The following CHD1L variants were observed in gnomAD, a reference collection of about 807,000 sequenced individuals.
CHD1L encodes chromodomain helicase DNA binding protein 1 like.
CHD1L carries 118 observed loss-of-function variants against 115.9 expected under a neutral mutation model. The ratio of observed to expected loss-of-function variants is 1.02; its 90% CI spans 0.88 to 1.19. The LOEUF is 1.19. Among genes scored for constraint, CHD1L ranks in the 50% most tolerant of loss-of-function variants. The probability of loss-of-function intolerance (pLI) is 0.00; values close to 1 mark genes in which losing one functional copy is unlikely to be tolerated. For synonymous variants in CHD1L, 411 were observed against 387.1 expected (o/e 1.06, Z -0.72); for missense variants, 1,179 against 1,065.3 (o/e 1.11, Z -1.49).
intron 15 of CHD1L, among the ~76,000 whole-genome samples, chr1:147,282,715 A>G (rs1681404884): frequency 2.0e-5 from 3 of 152,222 alleles, no homozygotes; most frequent in Admixed American, 2.0e-4. Context: ...TTCTGTACTG[A>G]TCTAGATAAT....
chr1:147,178,129 C>T, the CHD1L span: 1 of 1,599,736 alleles, frequency 6.3e-7, no homozygotes, highest in South Asian at 1.1e-5. Context: ...CCTCCGCCGC[C>T]CAGCGCTGTT....
chr1:147,220,532 A>G, the CHD1L span, among the ~76,000 whole-genome samples: 6 of 152,224 alleles, frequency 3.9e-5, no homozygotes. Flanking sequence ...ACTTTGTTCC[A>G]AAGAGTATAG....
intron 15 of CHD1L, among the ~76,000 whole-genome samples, chr1:147,283,134 A>C (rs1026332167): frequency 2.6e-5 from 4 of 152,232 alleles, no homozygotes; most frequent in African/African-American, 9.6e-5. Flanking sequence ...AATTGCATGC[A>C]GTATGAAGCT....
At chr1:147,205,797 T>TA in the CHD1L span, among the ~76,000 whole-genome samples, 1 of 152,010 alleles carries the variant, frequency 6.6e-6, no homozygotes, top group African/African-American at 2.4e-5. Context: ...ATGTTAGACC[T>TA]AAAACCATAA....
the CHD1L span, among the ~76,000 whole-genome samples, chr1:147,234,184 T>C: frequency 6.6e-6 from 1 of 152,210 alleles, no homozygotes; most frequent in Admixed American, 6.5e-5. Flanking sequence ...TGATTCTCTG[T>C]TGGATTACCA....
At chr1:147,290,502 G>C (rs1339741432) in intron 19 of CHD1L, among the ~76,000 whole-genome samples, 1 of 152,200 alleles carries the variant, frequency 6.6e-6, no homozygotes, top group Non-Finnish European at 1.5e-5. Flanking sequence ...TTGATGAGCA[G>C]ATGTCTTTGC....
chr1:147,259,671 A>G (rs1671260530), intron 5 of CHD1L, 166 bp from the exon 6 acceptor site: 4 of 601,138 alleles, frequency 6.7e-6, no homozygotes, highest in African/African-American at 3.7e-5. Context: ...CAGATATTGT[A>G]TTATGCACAT....
chr1:147,284,863 CACAGTGTTTGGCAGTTA>C (rs1553964358), intron 16 of CHD1L, among the ~76,000 whole-genome samples: 1 of 152,098 alleles, frequency 6.6e-6, no homozygotes, highest in Non-Finnish European at 1.5e-5. Context: ...ATGTAGTGTT[CACAGTGTTTGGCAGTTA>C]ACGTGGTCAT....
At chr1:147,213,531 TAC>T in the CHD1L span, 1 of 1,422,150 alleles carries the variant, frequency 7.0e-7, no homozygotes, top group South Asian at 1.5e-5. Flanking sequence ...TGCATAGTGT[TAC>T]ACAAAGGGCT....
the CHD1L span, among the ~76,000 whole-genome samples, chr1:147,194,622 G>C: frequency 5.3e-5 from 8 of 152,058 alleles, no homozygotes; most frequent in East Asian, 1.9e-4. Context: ...TTACATTTTG[G>C]CATGTTTTTG....
At chr1:147,241,119 A>G (rs1275035058), upstream of CHD1L, among the ~76,000 whole-genome samples, 1 of 152,148 alleles carries the variant, frequency 6.6e-6, no homozygotes, top group Non-Finnish European at 1.5e-5. Context: ...TGTAAGATCC[A>G]GGAGATAAGT....
Position 147,278,933 on chromosome 1 carries a change from G to A in CHD1L, c.1540-1093G>A, listed in dbSNP as rs587690465. ...CACATGTAATTTTCTTAATGACTAA[G>A]ACACATTGCAAGTGAGCAATAACAA... On this transcript the variant is annotated intron_variant, in intron 14 of 22. Coordinates refer to ENST00000369258, the MANE Select transcript of CHD1L (RefSeq NM_004284.6). Among the ~76,000 whole-genome samples the A allele has an allele frequency of 8.5e-5, 13 of 152,216 alleles. No homozygotes were observed. The South Asian group carries it at 2.7e-3, about 32-fold the overall frequency.
At chr1:147,290,249 A>G (rs1463805143) in intron 19 of CHD1L, among the ~76,000 whole-genome samples, 3 of 151,098 alleles carry the variant, frequency 2.0e-5, no homozygotes, top group African/African-American at 4.9e-5. Flanking sequence ...ATGCCCGGCC[A>G]CTCTTTTGAA....
the CHD1L span, among the ~76,000 whole-genome samples, chr1:147,187,741 T>C: frequency 6.6e-6 from 1 of 152,156 alleles, no homozygotes; most frequent in Admixed American, 6.5e-5. Context: ...GGGAGAATGA[T>C]TTATTCCACA....
chr1:147,263,313 C>T (rs115246987), intron 6 of CHD1L, among the ~76,000 whole-genome samples: 2,106 of 151,556 alleles, frequency 0.014, 33 homozygotes, highest in Non-Finnish European at 0.02. Flanking sequence ...GTGTGTAGCT[C>T]CAGCTACTGG....
chr1:147,258,227 C>A (rs1173746301), intron 5 of CHD1L, among the ~76,000 whole-genome samples: 1 of 152,178 alleles, frequency 6.6e-6, no homozygotes, highest in Non-Finnish European at 1.5e-5. Context: ...GTTACCTCAT[C>A]CAACTTTCCA....
At chr1:147,198,872 A>AAAAAAAAAAAAAAG in the CHD1L span, among the ~76,000 whole-genome samples, 4 of 144,586 alleles carry the variant, frequency 2.8e-5, no homozygotes, top group African/African-American at 7.9e-5. Context: ...AAAAAAAAAA[A>AAAAAAAAAAAAAAG]AAAGAAAGAA....
At chr1:147,291,448 G>A in intron 19 of CHD1L, 34 bp from the exon 20 acceptor site, 1 of 1,554,596 alleles carries the variant, frequency 6.4e-7, no homozygotes, top group East Asian at 2.2e-5. Context: ...TGAACTTGGT[G>A]TTCTTTATGT....
At chr1:147,275,805 G>T (rs987691247) in intron 13 of CHD1L, among the ~76,000 whole-genome samples, 5 of 147,860 alleles carry the variant, frequency 3.4e-5, no homozygotes, top group Non-Finnish European at 7.4e-5. Context: ...AAGAAAGATA[G>T]ATGTTGCCCT....
Sources: allele counts gnomAD v4.1 joint callset (sites outside exome capture counted in the v4.1 genomes callset), GRCh38; gene constraint gnomAD v4.1.1; transcripts MANE v1.5; gene names NCBI Gene and HGNC (gene_info 2026-07-23, HGNC 2026-07-21).